TGFBR3: variants seen among roughly 807,000 people sequenced by gnomAD.
TGFBR3 encodes the protein transforming growth factor beta receptor type 3.
Under a neutral mutation model 87.9 loss-of-function variants are expected in TGFBR3, and 46 were observed. The ratio of observed to expected loss-of-function variants is 0.52; its 90% CI spans 0.41 to 0.67. TGFBR3 has a LOEUF of 0.67. Among genes scored for constraint, TGFBR3 ranks in the 30% least tolerant of loss-of-function variants. TGFBR3 has a pLI of 0.00. For synonymous variants in TGFBR3, 381 were observed against 391.6 expected (o/e 0.97, Z 0.32); for missense variants, 866 against 1,041.9 (o/e 0.83, Z 2.32).
At chr1:91,878,838 C>G (rs909771752) in intron 1 of TGFBR3, among the ~76,000 whole-genome samples, 3 of 152,214 alleles carry the variant, frequency 2.0e-5, no homozygotes, top group African/African-American at 7.2e-5. Flanking sequence ...CTCCTGCAAA[C>G]AACACCCAAC....
intron 2 of TGFBR3, among the ~76,000 whole-genome samples, chr1:91,811,922 T>C (rs1222832597): frequency 6.6e-6 from 1 of 151,408 alleles, no homozygotes; most frequent in Non-Finnish European, 1.5e-5. Flanking sequence ...TCACATTCAG[T>C]GAAAGTAACT....
intron 2 of TGFBR3, among the ~76,000 whole-genome samples, chr1:91,844,526 T>C (rs755616940): frequency 1.3e-5 from 2 of 152,230 alleles, no homozygotes; most frequent in African/African-American, 2.4e-5. Flanking sequence ...AAACAGATAC[T>C]ACAGGCAACA....
intron 2 of TGFBR3, among the ~76,000 whole-genome samples, chr1:91,803,001 C>A (rs1675694586): frequency 6.6e-6 from 1 of 152,140 alleles, no homozygotes; most frequent in Non-Finnish European, 1.5e-5. Flanking sequence ...CTTATCTCCA[C>A]CAAAATGTCT....
Position 91,727,734 on chromosome 1 carries a change from G to A in TGFBR3, c.810C>T (p.Ile270=), listed in dbSNP as rs780586588. Reference sequence around the variant, plus strand: ...CAGACTTTTTGCACTTCAAGATCAGGATGAGATTTTTGACCACTTCAAGAT... The same window carrying A: ...CAGACTTTTTGCACTTCAAGATCAGAATGAGATTTTTGACCACTTCAAGAT... ...QEDLEVVKNL[I]LILKCKKSVN... The change falls in exon 7 of 17, where the codon ATC becomes ATT. Residue 270 remains isoleucine (I), a synonymous_variant. Coordinates refer to ENST00000212355, the MANE Select transcript of TGFBR3 (RefSeq NM_003243.5). 7.4e-6 allele frequency: 12 copies of A among 1,613,960 alleles called. No individual in the cohort carries two copies. The South Asian group carries it at 1.1e-4, about 15-fold the overall frequency.
At chr1:91,772,664 T>C (rs1300366186) in intron 3 of TGFBR3, among the ~76,000 whole-genome samples, 1 of 152,220 alleles carries the variant, frequency 6.6e-6, no homozygotes, top group Non-Finnish European at 1.5e-5. Flanking sequence ...CATAATTCTC[T>C]ACTGTGTAAG....
intron 1 of TGFBR3, among the ~76,000 whole-genome samples, chr1:91,866,176 A>G (rs1030606068): frequency 4.6e-5 from 7 of 152,210 alleles, no homozygotes; most frequent in African/African-American, 1.7e-4. Flanking sequence ...GTTGGGTACA[A>G]TATTCCCTAA....
Position 91,712,381 on chromosome 1 carries a change from A to G in TGFBR3, c.2028T>C (p.Phe676=), listed in dbSNP as rs1805113. 656,445 of 1,613,752 alleles carry G rather than the reference A, an allele frequency of 0.41. 138,697 individuals are homozygous for G. The highest frequency in any genetic ancestry group is 0.44 in the Non-Finnish European group (522,259 of 1,179,778). The change falls in exon 13 of 17, where the codon TTT becomes TTC. Residue 676 remains phenylalanine (F), a synonymous_variant. Transcript: ENST00000212355. ...TATCCATGTCAGCTTGCGGGATAGG[A>G]AAGTGCACTCTCTTGGGACTGTAGA... ...VKFYSPKRVH[F]PIPQADMDKK...
intron 1 of TGFBR3, among the ~76,000 whole-genome samples, chr1:91,878,319 T>A (rs991571991): frequency 6.6e-6 from 1 of 151,056 alleles, no homozygotes; most frequent in Non-Finnish European, 1.5e-5. Context: ...CCAGCAATTA[T>A]CACACAGTTA....
At chr1:91,712,742 G>T (rs921751089) in intron 12 of TGFBR3, among the ~76,000 whole-genome samples, 200 bp from the exon 13 acceptor site, 4 of 152,192 alleles carry the variant, frequency 2.6e-5, no homozygotes, top group Admixed American at 6.5e-5. Flanking sequence ...ATTTGATATA[G>T]ATGATGACAG....
At position 91,861,470 on chromosome 1, in the gene TGFBR3, C is replaced by T. The variant is rs1311410066; in HGVS notation, c.61+1G>A. ...TATGCAATTTATATTATGCAACTTA[C>T]CTGCAGTGGCTAAACAGGAGCTCAT... On this transcript the variant is annotated splice_donor_variant, in intron 2 of 16. Coordinates refer to ENST00000212355, the MANE Select transcript of TGFBR3 (RefSeq NM_003243.5). LOFTEE classifies it high-confidence loss of function. 3 of 1,607,780 alleles carry T rather than the reference C, an allele frequency of 1.9e-6. No homozygotes were observed. Among genetic ancestry groups the T allele is most frequent in the Non-Finnish European group, 2.6e-6 (3 of 1,174,336 alleles).
intron 1 of TGFBR3, among the ~76,000 whole-genome samples, chr1:91,883,713 C>T (rs566956820): frequency 6.6e-6 from 1 of 151,394 alleles, no homozygotes; most frequent in East Asian, 1.9e-4. Flanking sequence ...GCAAAGCTGC[C>T]GTGTAACGGT....
At chr1:91,833,195 C>T (rs1289814430) in intron 2 of TGFBR3, among the ~76,000 whole-genome samples, 2 of 148,380 alleles carry the variant, frequency 1.3e-5, no homozygotes, top group Admixed American at 6.9e-5. Context: ...ACTTGGAAGG[C>T]TGAGGCAGAA....
intron 4 of TGFBR3, 129 bp downstream of exon 4, chr1:91,758,484 C>A: frequency 8.5e-7 from 1 of 1,170,930 alleles, no homozygotes; most frequent in Non-Finnish European, 1.3e-6. Flanking sequence ...GTGCATCCTC[C>A]AAATTTAACA....
intron 4 of TGFBR3, among the ~76,000 whole-genome samples, chr1:91,744,821 TCTCTC>T (rs1391112338): frequency 7.2e-5 from 11 of 152,344 alleles, no homozygotes; most frequent in African/African-American, 2.6e-4. Flanking sequence ...CGAGCAAGAA[TCTCTC>T]CTCTGCACTG....
chr1:91,781,161 C>T (rs1674754125), intron 3 of TGFBR3, among the ~76,000 whole-genome samples: 1 of 152,156 alleles, frequency 6.6e-6, no homozygotes, highest in Non-Finnish European at 1.5e-5. Context: ...CAAGAAGACT[C>T]CTTGCCTGAG....
intron 12 of TGFBR3, among the ~76,000 whole-genome samples, chr1:91,715,944 AAAAGC>A (rs1445751942): frequency 6.6e-6 from 1 of 152,224 alleles, no homozygotes; most frequent in Non-Finnish European, 1.5e-5. Context: ...CTACTGTTCC[AAAAGC>A]AAAGGACAGG....
At chr1:91,814,238 T>C (rs1054580835) in intron 2 of TGFBR3, among the ~76,000 whole-genome samples, 4 of 152,060 alleles carry the variant, frequency 2.6e-5, no homozygotes, top group African/African-American at 7.2e-5. Flanking sequence ...TATGTATATA[T>C]ACACACACAC....
chr1:91,681,632 G>T lies in TGFBR3; in HGVS notation c.*2107C>A. Reference sequence around the variant, plus strand: ...TTTTTAAAAAAGCAAAGGACTGATCGAAAGAATTCACAGTAGCTGAAATTA... The same window carrying T: ...TTTTTAAAAAAGCAAAGGACTGATCTAAAGAATTCACAGTAGCTGAAATTA... On this transcript the variant is annotated 3_prime_UTR_variant, in exon 17 of 17. Coordinates refer to ENST00000212355, the MANE Select transcript of TGFBR3 (RefSeq NM_003243.5). 2.3e-6 allele frequency: 1 copy of T among 437,864 alleles called. No homozygotes were observed. The highest frequency in any genetic ancestry group is 1.7e-5 in the South Asian group (1 of 59,450). 27.1% of individuals were successfully genotyped at this position (437,864 alleles called of 1,614,324 possible).
intron 3 of TGFBR3, among the ~76,000 whole-genome samples, chr1:91,796,553 C>G (rs929801020): frequency 6.6e-6 from 1 of 152,156 alleles, no homozygotes; most frequent in Non-Finnish European, 1.5e-5. Flanking sequence ...CATCTTTATT[C>G]CAGAGTGTTC....
Sources: gnomAD v4.1 joint callset for allele counts (sites outside exome capture counted in the v4.1 genomes callset) on GRCh38, gnomAD v4.1.1 for gene constraint, MANE v1.5 for transcripts, NCBI Gene and HGNC (gene_info 2026-07-23, HGNC 2026-07-21) for gene names.